Variants in KIAA0319 observed in about 807,000 individuals in gnomAD.
KIAA0319 encodes KIAA0319.
Under a neutral mutation model 108.4 loss-of-function variants are expected in KIAA0319, and 83 were observed. The observed-to-expected ratio is 0.77, with a 90% CI of 0.64 to 0.92. KIAA0319 has a LOEUF of 0.92. Ranked by LOEUF, KIAA0319 falls within the 40% of genes least tolerant of loss-of-function variation. The pLI is 0.00. For synonymous variants in KIAA0319, 484 were observed against 510.4 expected (o/e 0.95, Z 0.70); for missense variants, 1,195 against 1,322.4 (o/e 0.90, Z 1.49).
intron 1 of KIAA0319, among the ~76,000 whole-genome samples, chr6:24,622,129 G>A (rs959872726): frequency 6.6e-6 from 1 of 152,028 alleles, no homozygotes; most frequent in African/African-American, 2.4e-5. Flanking sequence ...CCTGGGGAGT[G>A]CTCACCCGTA....
intron 1 of KIAA0319, among the ~76,000 whole-genome samples, chr6:24,639,393 A>C (rs1776624633): frequency 6.6e-6 from 1 of 152,244 alleles, no homozygotes; most frequent in Non-Finnish European, 1.5e-5. Flanking sequence ...GAGGAACAAA[A>C]ACTGCCAATC....
downstream of KIAA0319, among the ~76,000 whole-genome samples, chr6:24,540,461 C>T (rs1760160982): frequency 6.6e-6 from 1 of 152,138 alleles, no homozygotes; most frequent in Non-Finnish European, 1.5e-5. Context: ...ACCGTATAAG[C>T]CTATGTGCTC....
At chr6:24,550,274 T>C (rs1406372912) in intron 20 of KIAA0319, among the ~76,000 whole-genome samples, 1 of 152,224 alleles carries the variant, frequency 6.6e-6, no homozygotes, top group East Asian at 1.9e-4. Context: ...GCAGGCTCTG[T>C]GCTTCCTCCT....
In KIAA0319 at chr6:24,622,841, C is replaced by T. The variant is rs181276347; in HGVS notation, c.-105-21633G>A. ...AGAGGATCACTTGAGATCAGGAGTT[C>T]GAGACCAGCCTGGCCAACGAAACCC... On this transcript the variant is annotated intron_variant, in intron 1 of 20. Transcript: ENST00000378214. Among the ~76,000 whole-genome samples the T allele has an allele frequency of 2.5e-3, 378 of 152,092 alleles. 2 individuals are homozygous for T. The highest frequency in any genetic ancestry group is 7.8e-3 in the African/African-American group (322 of 41,478).
intron 1 of KIAA0319, among the ~76,000 whole-genome samples, chr6:24,608,934 A>AG (rs1286219297): frequency 8.7e-6 from 1 of 114,612 alleles, no homozygotes; most frequent in Non-Finnish European, 2.1e-5. Context: ...CCGTCTCAAA[A>AG]AAAAAAAAAA....
intron 1 of KIAA0319, among the ~76,000 whole-genome samples, chr6:24,619,800 TTAAAA>T (rs1773671579): frequency 6.6e-6 from 1 of 152,202 alleles, no homozygotes; most frequent in South Asian, 2.1e-4. Flanking sequence ...GGGGAGAAAC[TTAAAA>T]TAAAACAGTG....
intron 1 of KIAA0319, among the ~76,000 whole-genome samples, chr6:24,612,993 G>T (rs2127556647): frequency 6.6e-6 from 1 of 152,264 alleles, no homozygotes; most frequent in Non-Finnish European, 1.5e-5. Flanking sequence ...TAGAGACGGG[G>T]TTTCACCACG....
chr6:24,616,032 G>C (rs1188978044), intron 1 of KIAA0319, among the ~76,000 whole-genome samples: 2 of 152,184 alleles, frequency 1.3e-5, no homozygotes, highest in Non-Finnish European at 2.9e-5. Flanking sequence ...TTCTAGAACT[G>C]AAAGTCCAAT....
rs187429386 is a variant in KIAA0319, at chr6:24,551,738, A to G, written c.2949-213T>C. Among the ~76,000 whole-genome samples the G allele has an allele frequency of 2.0e-5, 3 of 152,320 alleles. No individual in the cohort carries two copies. In the East Asian group the frequency reaches 5.8e-4, roughly 29 times the overall value. ...CACATTTCTGGGTATAAACAGCCAC[A>G]TCACTCTTGCCCACCTATCTACAGG... On this transcript the variant is annotated intron_variant, in intron 19 of 20. Coordinates refer to ENST00000378214, the MANE Select transcript of KIAA0319 (RefSeq NM_014809.4).
At chr6:24,578,728 T>A (rs551878670) in intron 8 of KIAA0319, among the ~76,000 whole-genome samples, 6 of 152,218 alleles carry the variant, frequency 3.9e-5, no homozygotes, top group Non-Finnish European at 8.8e-5. Flanking sequence ...CTTCCATTTC[T>A]ACTTTAAAAG....
At chr6:24,638,018 G>C (rs985968837) in intron 1 of KIAA0319, among the ~76,000 whole-genome samples, 1 of 152,134 alleles carries the variant, frequency 6.6e-6, no homozygotes, top group Non-Finnish European at 1.5e-5. Context: ...CACCAGAAAA[G>C]CAACTCCCAC....
chr6:24,553,280 T>C (rs1561912697), intron 19 of KIAA0319, among the ~76,000 whole-genome samples: 3 of 78,888 alleles, frequency 3.8e-5, no homozygotes, highest in African/African-American at 1.7e-4. Context: ...GATAGATATA[T>C]ATATATATAT....
At chr6:24,557,761 T>C (rs1762504572) in intron 17 of KIAA0319, among the ~76,000 whole-genome samples, 1 of 151,152 alleles carries the variant, frequency 6.6e-6, no homozygotes, top group African/African-American at 2.5e-5. Context: ...AATCATAATA[T>C]ACTTTTTTTT....
intron 20 of KIAA0319, among the ~76,000 whole-genome samples, chr6:24,547,837 A>G (rs1038062277): frequency 2.0e-5 from 3 of 152,120 alleles, no homozygotes; most frequent in African/African-American, 7.2e-5. Flanking sequence ...TTCAATTCCT[A>G]CTCTCAAAGG....
intron 3 of KIAA0319, among the ~76,000 whole-genome samples, chr6:24,592,063 T>C (rs1460094582): frequency 6.6e-6 from 1 of 152,226 alleles, no homozygotes; most frequent in Non-Finnish European, 1.5e-5. Flanking sequence ...TTACCATTTT[T>C]CTATTTTATT....
At position 24,599,395 on chromosome 6, in the gene KIAA0319, A is replaced by C; in HGVS notation, c.55+1654T>G. ...AAGCGTGGGGAGCTGGCCATTAAGG[A>C]TGCCAATGCCAAGCTGTCCAAGCTG... On this transcript the variant is annotated intron_variant, in intron 2 of 20. Transcript: ENST00000378214. The surrounding 1 kb of genome is among the most constrained non-coding windows in gnomAD (Gnocchi z 4.1). 1.8e-6 allele frequency: 1 copy of C among 545,080 alleles called. No homozygotes were observed. Among genetic ancestry groups the C allele is most frequent in the Non-Finnish European group, 3.5e-6 (1 of 282,906 alleles). 33.8% of individuals were successfully genotyped at this position (545,080 alleles called of 1,614,324 possible).
chr6:24,621,871 A>G (rs1179814965), intron 1 of KIAA0319, among the ~76,000 whole-genome samples: 1 of 152,192 alleles, frequency 6.6e-6, no homozygotes, highest in East Asian at 1.9e-4. Flanking sequence ...ATGGATGCAA[A>G]GAGACAGAAC....
intron 1 of KIAA0319, among the ~76,000 whole-genome samples, chr6:24,627,469 T>TC (rs397761674): frequency 8.4e-4 from 123 of 146,930 alleles, no homozygotes; most frequent in African/African-American, 2.3e-3. Flanking sequence ...CTTCTTTCCT[T>TC]TTTTTCCTCC....
At chr6:24,635,230 G>A (rs1402356800) in intron 1 of KIAA0319, among the ~76,000 whole-genome samples, 2 of 151,590 alleles carry the variant, frequency 1.3e-5, no homozygotes, top group Non-Finnish European at 2.9e-5. Context: ...TCAGCCTCCT[G>A]AGTAGCTGGG....
Sources: allele counts gnomAD v4.1 joint callset (sites outside exome capture counted in the v4.1 genomes callset), GRCh38; gene constraint gnomAD v4.1.1; non-coding constraint Gnocchi (gnomAD v3.1); transcripts MANE v1.5; gene names NCBI Gene and HGNC (gene_info 2026-07-23, HGNC 2026-07-21).